ELFN2: variants seen among roughly 807,000 people sequenced by gnomAD.
The protein encoded by ELFN2 is extracellular leucine rich repeat and fibronectin type III domain containing 2, also known as protein phosphatase 1 regulatory subunit 29.
In ELFN2, 17 loss-of-function variants were observed where a neutral mutation model predicts 45.5. The observed-to-expected ratio is 0.37, with a 90% CI of 0.26 to 0.56. The LOEUF is 0.56. Ranked by LOEUF, ELFN2 falls within the 20% of genes least tolerant of loss-of-function variation. ELFN2 has a pLI of 0.77. For synonymous variants in ELFN2, 550 were observed against 551.5 expected (o/e 1.00, Z 0.04); for missense variants, 922 against 1,183.2 (o/e 0.78, Z 3.24).
At chr22:37,359,673 G>A (rs1003137435) in intron 1 of ELFN2, among the ~76,000 whole-genome samples, 3 of 152,224 alleles carry the variant, frequency 2.0e-5, no homozygotes, top group South Asian at 2.1e-4. Flanking sequence ...TCTGGAGTTC[G>A]GAGGAGCACT....
At chr22:37,346,677 C>T (rs944797846) in intron 1 of ELFN2, among the ~76,000 whole-genome samples, 2 of 152,192 alleles carry the variant, frequency 1.3e-5, no homozygotes, top group African/African-American at 4.8e-5. Flanking sequence ...TGTTCATTCT[C>T]TTGGTGTGAC....
chr22:37,403,148 G>C (rs4328731), intron 2 of ELFN2, among the ~76,000 whole-genome samples: 1 of 150,648 alleles, frequency 6.6e-6, no homozygotes, highest in African/African-American at 2.5e-5. Flanking sequence ...CTCACCAATC[G>C]CAAGTCCCCC....
At chr22:37,389,422 C>T (rs1310222795) in intron 2 of ELFN2, among the ~76,000 whole-genome samples, 1 of 152,198 alleles carries the variant, frequency 6.6e-6, no homozygotes, top group Non-Finnish European at 1.5e-5. Flanking sequence ...CAGCGATTAG[C>T]TGGTACTAAC....
intron 1 of ELFN2, among the ~76,000 whole-genome samples, chr22:37,419,891 C>A (rs1443726287): frequency 6.6e-6 from 1 of 152,164 alleles, no homozygotes; most frequent in African/African-American, 2.4e-5. Flanking sequence ...CCCCCTGTGC[C>A]CCTGCCCAGC....
In ELFN2 at chr22:37,417,883, C is replaced by G. The variant is rs1932778361; in HGVS notation, c.-577G>C. 6.6e-6 allele frequency: 1 copy of G among 152,490 alleles called. No individual in the cohort carries two copies. The allele number at this position is 152,490 out of a possible 1,614,324, so 9.4% of individuals were successfully genotyped here. On this transcript the variant is annotated 5_prime_UTR_variant, in exon 2 of 3. Coordinates refer to ENST00000402918, the MANE Select transcript of ELFN2 (RefSeq NM_052906.5). This position sits in a 1 kb window ranked among gnomAD's most constrained non-coding sequence, Gnocchi z 4.5. Reference sequence around the variant, plus strand: ...ATGAGATCTCAGGTCCTGGCCCAGCCCGGGTGGCAGCAGCTCCTCACCCAA... The same window carrying G: ...ATGAGATCTCAGGTCCTGGCCCAGCGCGGGTGGCAGCAGCTCCTCACCCAA...
At chr22:37,403,538 C>T (rs1932418051) in intron 2 of ELFN2, among the ~76,000 whole-genome samples, 1 of 152,180 alleles carries the variant, frequency 6.6e-6, no homozygotes, top group Non-Finnish European at 1.5e-5. Flanking sequence ...GTTTGGGCTC[C>T]CGGGTGTTTG....
At chr22:37,411,401 T>C (rs1932646245) in intron 2 of ELFN2, among the ~76,000 whole-genome samples, 1 of 75,744 alleles carries the variant, frequency 1.3e-5, no homozygotes, top group South Asian at 2.7e-4. Flanking sequence ...CCCAGGATGA[T>C]GCTTGGGGGT....
intron 2 of ELFN2, among the ~76,000 whole-genome samples, chr22:37,406,357 G>T (rs756661433): frequency 6.6e-6 from 1 of 152,196 alleles, no homozygotes; most frequent in Non-Finnish European, 1.5e-5. Flanking sequence ...TCACAACGGA[G>T]TGCCGGGGTG....
Position 37,383,112 on chromosome 22 carries a change from G to C in ELFN2, c.-462-7116C>G, listed in dbSNP as rs370777377. Reference sequence around the variant, plus strand: ...CTCCTGCCCTTGGGTACAGCTGCCCGGGTCATGCTTGCTGTCAAGGTCCCT... The same window carrying C: ...CTCCTGCCCTTGGGTACAGCTGCCCCGGTCATGCTTGCTGTCAAGGTCCCT... On this transcript the variant is annotated intron_variant, in intron 2 of 2. Coordinates refer to ENST00000402918, the MANE Select transcript of ELFN2 (RefSeq NM_052906.5). 2.6e-5 allele frequency among the ~76,000 whole-genome samples: 4 copies of C among 152,256 alleles called. No individual in the cohort carries two copies. The East Asian group carries it at 5.8e-4, about 22-fold the overall frequency.
At chr22:37,356,106 A>G (rs1352139715) in intron 1 of ELFN2, among the ~76,000 whole-genome samples, 4 of 152,142 alleles carry the variant, frequency 2.6e-5, no homozygotes, top group Non-Finnish European at 4.4e-5. Context: ...TTGGGAGAAG[A>G]TAATACAAGG....
chr22:37,413,947 G>A (rs1047512275), intron 2 of ELFN2, among the ~76,000 whole-genome samples: 6 of 152,200 alleles, frequency 3.9e-5, no homozygotes, highest in Non-Finnish European at 7.3e-5. Context: ...ACTGGACCTC[G>A]AGTCAAATGC....
At position 37,403,592 on chromosome 22, in the gene ELFN2, G is replaced by A. The variant is rs117689703; in HGVS notation, c.-463+14177C>T. 5.8e-4 allele frequency among the ~76,000 whole-genome samples: 88 copies of A among 152,246 alleles called. No homozygotes were observed. In the East Asian group the frequency reaches 0.016, roughly 27 times the overall value. On this transcript the variant is annotated intron_variant, in intron 2 of 2. Transcript: ENST00000402918. Reference sequence around the variant, plus strand: ...GAAGCGAGAGGGCCTGGGAGGCTGCGGCCTCGGGGTCTAGCGAGGGGCTGA... The same window carrying A: ...GAAGCGAGAGGGCCTGGGAGGCTGCAGCCTCGGGGTCTAGCGAGGGGCTGA...
At chr22:37,365,094 AT>A (rs1931174114), downstream of ELFN2, among the ~76,000 whole-genome samples, 1 of 152,158 alleles carries the variant, frequency 6.6e-6, no homozygotes, top group Non-Finnish European at 1.5e-5. Context: ...GGACCCACCA[AT>A]GACAGGAGCA....
chr22:37,423,539 G>A (rs1381177020), intron 1 of ELFN2, among the ~76,000 whole-genome samples: 1 of 152,154 alleles, frequency 6.6e-6, no homozygotes, highest in Admixed American at 6.5e-5. Context: ...TAACCTCTCT[G>A]TTTCTTGTCT....
At chr22:37,378,776 C>T (rs1931658297) in intron 2 of ELFN2, among the ~76,000 whole-genome samples, 1 of 152,380 alleles carries the variant, frequency 6.6e-6, no homozygotes, top group Admixed American at 6.5e-5. Flanking sequence ...GGGCTGCCTG[C>T]CTGCCACCCG....
chr22:37,398,333 A>AGG (rs999550801), intron 2 of ELFN2, among the ~76,000 whole-genome samples: 85 of 152,158 alleles, frequency 5.6e-4, no homozygotes, highest in East Asian at 5.8e-4. Flanking sequence ...CCCTCCTGCA[A>AGG]GCCTTCGTAG....
At chr22:37,361,987 C>T (rs552709924) in intron 1 of ELFN2, among the ~76,000 whole-genome samples, 4 of 152,336 alleles carry the variant, frequency 2.6e-5, no homozygotes, top group African/African-American at 7.2e-5. Context: ...ACCTCCCACA[C>T]GCAGCTACTC....
At position 37,375,671 on chromosome 22, in the gene ELFN2, T is replaced by G; in HGVS notation, c.-137A>C. 3 of 996,052 alleles carry G rather than the reference T, an allele frequency of 3.0e-6. No individual in the cohort carries two copies. The highest frequency in any genetic ancestry group is 4.4e-6 in the Non-Finnish European group (3 of 687,168). 61.7% of individuals were successfully genotyped at this position (996,052 alleles called of 1,614,324 possible). On this transcript the variant is annotated 5_prime_UTR_variant, in exon 3 of 3. Transcript: ENST00000402918. ...CCCAGCACGGGGGCCCCAGGCAAGG[T>G]GGGTACAGCTAGTGCCAACTGCTGG...
intron 2 of ELFN2, among the ~76,000 whole-genome samples, chr22:37,416,658 A>T (rs1316162054): frequency 6.6e-6 from 1 of 152,056 alleles, no homozygotes; most frequent in African/African-American, 2.4e-5. Context: ...GTCTGTCCAC[A>T]GGGGCAGGCA....
Sources: allele counts gnomAD v4.1 joint callset (sites outside exome capture counted in the v4.1 genomes callset), GRCh38; gene constraint gnomAD v4.1.1; non-coding constraint Gnocchi (gnomAD v3.1); transcripts MANE v1.5; gene names NCBI Gene and HGNC (gene_info 2026-07-23, HGNC 2026-07-21).